The following DEPDC5 variants were observed in gnomAD, a reference collection of about 807,000 sequenced individuals.
DEPDC5 encodes the protein DEP domain containing 5, GATOR1 subcomplex subunit.
In DEPDC5, 73 loss-of-function variants were observed where a neutral mutation model predicts 217.3. The ratio of observed to expected loss-of-function variants is 0.34; its 90% confidence interval spans 0.28 to 0.41. The LOEUF (loss-of-function observed/expected upper bound fraction) is 0.41, where lower values mean the gene tolerates loss of function less well. Ranked by LOEUF, DEPDC5 falls within the 10% of genes least tolerant of loss-of-function variation. DEPDC5 has a pLI of 1.00. For synonymous variants in DEPDC5, 733 were observed against 756.7 expected (o/e 0.97, Z 0.51); for missense variants, 1,675 against 2,070.1 (o/e 0.81, Z 3.70).
chr22:31,846,718 G>T, intron 30 of DEPDC5, 116 bp from the exon 31 acceptor site: 1 of 1,452,282 alleles, frequency 6.9e-7, no homozygotes, highest in Admixed American at 1.9e-5. Context: ...TGTGTTCCTT[G>T]ACCCTGTCCA....
intron 13 of DEPDC5, 25 bp from the exon 14 acceptor site, chr22:31,798,555 TTC>T (rs1456896885): frequency 1.3e-6 from 2 of 1,593,328 alleles, no homozygotes; most frequent in Non-Finnish European, 1.7e-6. Context: ...TGAGATGTTT[TTC>T]TTTCTCTTGC....
At chr22:31,778,069 T>A (rs145092846) in intron 7 of DEPDC5, 30 bp from the exon 8 acceptor site, 1 of 1,612,742 alleles carries the variant, frequency 6.2e-7, no homozygotes, top group African/African-American at 1.3e-5. Context: ...CATGTAAGAC[T>A]TGTAATAACT....
intron 21 of DEPDC5, chr22:31,817,445 T>C: frequency 2.1e-6 from 1 of 482,324 alleles, no homozygotes; most frequent in South Asian, 1.5e-5. Context: ...TGGCTTTTTA[T>C]ATATGCATAC....
intron 12 of DEPDC5, among the ~76,000 whole-genome samples, chr22:31,797,370 A>G (rs1004283423): frequency 3.3e-5 from 5 of 152,190 alleles, no homozygotes; most frequent in Non-Finnish European, 7.3e-5. Context: ...GAAGCAGGAG[A>G]AAGAGCGAGC....
At chr22:31,774,522 C>A (rs2083645851) in intron 7 of DEPDC5, among the ~76,000 whole-genome samples, 1 of 151,462 alleles carries the variant, frequency 6.6e-6, no homozygotes, top group Non-Finnish European at 1.5e-5. Context: ...TTTAGAGGTC[C>A]TGTGAATGTG....
At chr22:31,836,824 A>C in intron 25 of DEPDC5, 148 bp from the exon 26 acceptor site, 2 of 680,630 alleles carry the variant, frequency 2.9e-6, no homozygotes, top group Non-Finnish European at 5.0e-6. Context: ...TCCCTCCCCT[A>C]CCCTGTTTCT....
At chr22:31,780,253 T>A (rs1371246963) in intron 8 of DEPDC5, among the ~76,000 whole-genome samples, 5 of 152,162 alleles carry the variant, frequency 3.3e-5, no homozygotes, top group Non-Finnish European at 7.3e-5. Context: ...GACACATTTC[T>A]GGATAGGGTC....
rs139506332 is a variant in DEPDC5 at position 31,891,683 on chromosome 22, A to C, written c.4034-1899A>C. Among the ~76,000 whole-genome samples, 5 of 152,286 alleles carry C rather than the reference A, an allele frequency of 3.3e-5. No homozygotes were observed. The East Asian group carries it at 7.7e-4, about 24-fold the overall frequency. Reference sequence around the variant, plus strand: ...TCAGCTGAAGAAAACTGTTGAATTCATGGGGGTAAGGGAGAATGAGGGGTG... The same window carrying C: ...TCAGCTGAAGAAAACTGTTGAATTCCTGGGGGTAAGGGAGAATGAGGGGTG... On this transcript the variant is annotated intron_variant, in intron 38 of 42. Transcript: ENST00000651528.
At chr22:31,836,889 C>T (rs1005375668) in intron 25 of DEPDC5, 83 bp from the exon 26 acceptor site, 2 of 888,614 alleles carry the variant, frequency 2.3e-6, no homozygotes, top group East Asian at 5.8e-5. Flanking sequence ...CCCCACTCTT[C>T]CCTCCCCTTC....
intron 24 of DEPDC5, among the ~76,000 whole-genome samples, chr22:31,828,222 G>T (rs567180205): frequency 2.6e-5 from 4 of 152,246 alleles, no homozygotes; most frequent in Admixed American, 2.6e-4. Flanking sequence ...AGGCCAAGGC[G>T]GGCGGATCAC....
intron 38 of DEPDC5, among the ~76,000 whole-genome samples, chr22:31,889,680 A>G (rs1198665932): frequency 1.3e-5 from 2 of 150,894 alleles, no homozygotes; most frequent in African/African-American, 2.4e-5. Flanking sequence ...AGCTGGGACT[A>G]CAGGCACCCG....
chr22:31,852,253 G>A (rs983588064), intron 31 of DEPDC5, among the ~76,000 whole-genome samples: 11 of 152,036 alleles, frequency 7.2e-5, no homozygotes, highest in African/African-American at 1.7e-4. Context: ...CCATCATCAC[G>A]CGGCTTCAGT....
chr22:31,871,801 A>G (rs2092851660), intron 34 of DEPDC5, among the ~76,000 whole-genome samples: 3 of 152,240 alleles, frequency 2.0e-5, no homozygotes, highest in African/African-American at 7.2e-5. Flanking sequence ...TGAAAAATAC[A>G]GAGAACAGAT....
intron 2 of DEPDC5, among the ~76,000 whole-genome samples, chr22:31,756,906 G>A (rs2147963393): frequency 6.6e-6 from 1 of 150,824 alleles, no homozygotes; most frequent in East Asian, 1.9e-4. Flanking sequence ...GGGCAATAGA[G>A]CAAGACCCTG....
chr22:31,860,225 T>A (rs1205528906), intron 32 of DEPDC5, among the ~76,000 whole-genome samples: 2 of 152,162 alleles, frequency 1.3e-5, no homozygotes, highest in Non-Finnish European at 2.9e-5. Flanking sequence ...TGCTCAGAAA[T>A]GCCCAACTGT....
At chr22:31,836,867 C>G (rs1430612187) in intron 25 of DEPDC5, 105 bp from the exon 26 acceptor site, 1 of 1,113,540 alleles carries the variant, frequency 9.0e-7, no homozygotes, top group Non-Finnish European at 1.3e-6. Context: ...ATCTTTCACC[C>G]TGAACTTTTT....
chr22:31,874,613 T>G, intron 36 of DEPDC5, among the ~76,000 whole-genome samples: 1 of 152,296 alleles, frequency 6.6e-6, no homozygotes, highest in East Asian at 1.9e-4. Flanking sequence ...CCGTGCAGAA[T>G]TTATTGTCTG....
chr22:31,788,960 G>A (rs944477482), intron 10 of DEPDC5, among the ~76,000 whole-genome samples: 1 of 152,104 alleles, frequency 6.6e-6, no homozygotes, highest in African/African-American at 2.4e-5. Flanking sequence ...CTGCGATCTC[G>A]AACATGGCTC....
chr22:31,782,653 T>A (rs901269228), intron 8 of DEPDC5, among the ~76,000 whole-genome samples: 3 of 152,340 alleles, frequency 2.0e-5, no homozygotes, highest in African/African-American at 7.2e-5. Flanking sequence ...TGGCAACTCA[T>A]CACCTGGCAC....
Sources: allele counts gnomAD v4.1 joint callset (sites outside exome capture counted in the v4.1 genomes callset), GRCh38; gene constraint gnomAD v4.1.1; transcripts MANE v1.5; gene names NCBI Gene and HGNC (gene_info 2026-07-23, HGNC 2026-07-21).